Variants in RP1L1 observed in about 807,000 individuals in gnomAD.
RP1L1 encodes the protein retinitis pigmentosa 1-like 1 protein.
Under a neutral mutation model 15.7 loss-of-function variants are expected in RP1L1, and 27 were observed. The ratio of observed to expected loss-of-function variants is 1.72; its 90% confidence interval spans 1.27 to 2.38. The LOEUF is 2.38. Ranked by LOEUF, RP1L1 falls within the 30% of genes most tolerant of loss-of-function variation. The pLI is 0.00. For synonymous variants in RP1L1, 1,813 were observed against 1,276.7 expected, an observed-to-expected ratio of 1.42 and a Z score of -8.96; for missense variants, 4,798 against 3,075.9, an observed-to-expected ratio of 1.56 and a Z score of -13.24.
rs1480876786 is a variant in RP1L1 at position 10,617,600 on chromosome 8, A to G, written c.610-1013T>C. Among the ~76,000 whole-genome samples, 7 of 113,082 alleles carry G rather than the reference A, an allele frequency of 6.2e-5. No homozygotes were observed. In the Admixed American group the frequency reaches 9.6e-4, roughly 16 times the overall value. The allele number at this position is 113,082 out of a possible 152,430, so 74.2% of individuals were successfully genotyped here. A position where few individuals can be genotyped will look rare whatever the true frequency, so the allele number is the denominator to read the frequency against. Reference sequence around the variant, plus strand: ...GAGACGGAGTCTCGATCTGTCACCCAGGCTGGAGTGCAGTGGCGCGATCTG... The same window carrying G: ...GAGACGGAGTCTCGATCTGTCACCCGGGCTGGAGTGCAGTGGCGCGATCTG... On this transcript the variant is annotated intron_variant, in intron 2 of 3. Coordinates refer to ENST00000382483, the MANE Select transcript of RP1L1 (RefSeq NM_178857.6).
In RP1L1 at chr8:10,609,021, G is replaced by C. The variant is rs1472893303; in HGVS notation, c.5077C>G (p.Leu1693Val). Residue 1693 changes from leucine (L) to valine (V), a missense_variant, in exon 4 of 4, where the codon CTG (leucine) becomes GTG (valine). Leu to Val is a conservative substitution (Grantham distance 32). Transcript: ENST00000382483. ...IKEAFDLQQI[L>V]QRKRGEHTDG... is the part of the protein sequence containing the mutation. ...GTGTGTTCTCCCCTCTTCCTCTGCAGAATCTGCTGCAGGTCAAAGGCCTCT... is the reference window on the plus strand; with the variant it reads ...GTGTGTTCTCCCCTCTTCCTCTGCACAATCTGCTGCAGGTCAAAGGCCTCT... 8 of 1,613,418 alleles carry C rather than the reference G, an allele frequency of 5.0e-6. No homozygotes were observed. The highest frequency in any genetic ancestry group is 6.8e-6 in the Non-Finnish European group (8 of 1,179,514).
rs180953943 is a variant in RP1L1 at position 10,646,932 on chromosome 8, C to G, written c.-20+7966G>C. 1.6e-4 allele frequency among the ~76,000 whole-genome samples: 25 copies of G among 152,366 alleles called. 1 individual carries two copies. In the East Asian group the frequency reaches 4.4e-3, roughly 27 times the overall value. ...ACTTTTCTCAAATGCCAACCTCCCCCCCTCAGTTGTCAGCTTCCTTGGGGG... is the reference window on the plus strand; with the variant it reads ...ACTTTTCTCAAATGCCAACCTCCCCGCCTCAGTTGTCAGCTTCCTTGGGGG... On this transcript the variant is annotated intron_variant, in intron 1 of 3. Transcript: ENST00000382483.
At position 10,610,894 on chromosome 8, in the gene RP1L1, G is replaced by C; in HGVS notation, c.3204C>G (p.Cys1068Trp). 2 of 1,610,694 alleles carry C rather than the reference G, an allele frequency of 1.2e-6. No individual in the cohort carries two copies. The highest frequency in any genetic ancestry group is 8.5e-7 in the Non-Finnish European group (1 of 1,178,878). ...AGADREAPAG[C>W]RVSLRALPGR... Reference sequence around the variant, plus strand: ...CAGGAAGTGCCCGCAGGCTCACCCTGCAGCCTGCTGGGGCCTCTCTGTCTG... The same window carrying C: ...CAGGAAGTGCCCGCAGGCTCACCCTCCAGCCTGCTGGGGCCTCTCTGTCTG... Residue 1068 changes from cysteine (C) to tryptophan (W), a missense_variant, in exon 4 of 4, where the codon TGC (cysteine) becomes TGG (tryptophan). By Grantham distance (215) the Cys-to-Trp change is radical. Coordinates refer to ENST00000382483, the MANE Select transcript of RP1L1 (RefSeq NM_178857.6).
In RP1L1 at chr8:10,642,661, T is replaced by C. The variant is rs146436355; in HGVS notation, c.-20+12237A>G. 1.4e-4 allele frequency among the ~76,000 whole-genome samples: 21 copies of C among 152,354 alleles called. No homozygotes were observed. In the East Asian group the frequency reaches 2.7e-3, roughly 20 times the overall value. On this transcript the variant is annotated intron_variant, in intron 1 of 3. Coordinates refer to ENST00000382483, the MANE Select transcript of RP1L1 (RefSeq NM_178857.6). ...AAATCTAATCCTAATTAGTATACCA[T>C]ATAATTCACCACATTGCTCTCTGCT...
At chr8:10,613,908 C>A (rs554517080) in intron 3 of RP1L1, among the ~76,000 whole-genome samples, 1 of 152,240 alleles carries the variant, frequency 6.6e-6, no homozygotes, top group African/African-American at 2.4e-5. Flanking sequence ...TGAATTCAAT[C>A]TCAACTCTGC....
Position 10,611,683 on chromosome 8 carries a change from G to T in RP1L1, c.2415C>A (p.Pro805=). The T allele has an allele frequency of 1.2e-6, 2 of 1,613,488 alleles. No individual in the cohort carries two copies. Among genetic ancestry groups the T allele is most frequent in the South Asian group, 2.2e-5 (2 of 91,082 alleles). Residue 805 remains proline, a synonymous_variant, in exon 4 of 4, where the codon CCC becomes CCA. Transcript: ENST00000382483. ...CAGGCCGTCCAACCTGCAGAACCAA[G>T]GGTGAGGAGGGCTGAGGCGTGTCCC... ...EARDTPQPSS[P]LVLQVGRPEQ...
At position 10,606,967 on chromosome 8, in the gene RP1L1, T is replaced by G. The variant is rs1232894011; in HGVS notation, c.7131A>C (p.Ala2377=). Residue 2377 remains alanine (A), a synonymous_variant, in exon 4 of 4, where the codon GCA becomes GCC. Coordinates refer to ENST00000382483, the MANE Select transcript of RP1L1 (RefSeq NM_178857.6). ...SEGYDLQEDQ[A]LGSLAPTEAV... The stretch of plus-strand genomic sequence containing the variant: ...CCTCAGTGGGGGCGAGACTTCCGAG[T>G]GCCTGGTCCTCTTGTAGGTCATAAC... The G allele has an allele frequency of 2.5e-6, 4 of 1,614,132 alleles. No homozygotes were observed. In the Admixed American group the frequency reaches 6.7e-5, roughly 27 times the overall value.
rs543323910 is a variant in RP1L1, at chr8:10,647,721, T to C, written c.-20+7177A>G. Reference sequence around the variant, plus strand: ...TTCCACCTCATGTATATGCCAGTGTTTGTGTTTATCCATTCACTTATTGAT... The same window carrying C: ...TTCCACCTCATGTATATGCCAGTGTCTGTGTTTATCCATTCACTTATTGAT... On this transcript the variant is annotated intron_variant, in intron 1 of 3. Coordinates refer to ENST00000382483, the MANE Select transcript of RP1L1 (RefSeq NM_178857.6). Among the ~76,000 whole-genome samples the C allele has an allele frequency of 9.2e-5, 14 of 152,374 alleles. 1 individual carries two copies. The South Asian group carries it at 2.9e-3, about 32-fold the overall frequency.
intron 1 of RP1L1, among the ~76,000 whole-genome samples, chr8:10,629,121 A>G (rs192852633): frequency 1.3e-5 from 2 of 152,392 alleles, no homozygotes; most frequent in East Asian, 3.9e-4. Context: ...CGGTAAGCAC[A>G]GAACAGGATG....
chr8:10,642,311 A>G (rs917222437), intron 1 of RP1L1, among the ~76,000 whole-genome samples: 3 of 152,212 alleles, frequency 2.0e-5, no homozygotes, highest in East Asian at 1.9e-4. Flanking sequence ...TGCAGTTAAT[A>G]AAACTACTGT....
At chr8:10,653,770 G>A (rs1207726992) in intron 1 of RP1L1, among the ~76,000 whole-genome samples, 2 of 152,212 alleles carry the variant, frequency 1.3e-5, no homozygotes, top group Non-Finnish European at 2.9e-5. Context: ...TAATTTGTAA[G>A]AGGATTTCTG....
intron 1 of RP1L1, among the ~76,000 whole-genome samples, chr8:10,632,048 C>A (rs1004165197): frequency 1.3e-5 from 2 of 152,102 alleles, no homozygotes; most frequent in Non-Finnish European, 1.5e-5. Flanking sequence ...GGGGAGGGAG[C>A]CTTCAGGGGC....
At chr8:10,642,049 T>C (rs759339603) in intron 1 of RP1L1, among the ~76,000 whole-genome samples, 9 of 152,128 alleles carry the variant, frequency 5.9e-5, no homozygotes, top group Non-Finnish European at 8.8e-5. Context: ...GGTGGTGATA[T>C]TGTACTATAG....
intron 2 of RP1L1, among the ~76,000 whole-genome samples, chr8:10,620,069 G>A (rs182200179): frequency 6.6e-5 from 10 of 151,894 alleles, no homozygotes; most frequent in Non-Finnish European, 5.9e-5. Context: ...ACATAGTGCT[G>A]TTTCTCTGGC....
rs1396817175 is a variant in RP1L1 at position 10,607,740 on chromosome 8, C to T, written c.6358G>A (p.Glu2120Lys). 6.2e-6 allele frequency: 10 copies of T among 1,606,948 alleles called. No individual in the cohort carries two copies. In the Admixed American group the frequency reaches 1.5e-4, roughly 24 times the overall value. Residue 2120 changes from glutamate (E) to lysine (K), a missense_variant, in exon 4 of 4, where the codon GAG becomes AAG. Transcript: ENST00000382483. The stretch of plus-strand genomic sequence containing the variant: ...TCTGGCTGGGCCTCCCCTTCAGTCT[C>T]TGGGGCCTCTATACCTTCTGCCTTC... ...AQKAEGIEAP[E>K]TEGEAQPESE...
chr8:10,625,795 C>A (rs984917386), intron 1 of RP1L1, among the ~76,000 whole-genome samples: 2 of 152,108 alleles, frequency 1.3e-5, no homozygotes, highest in African/African-American at 4.8e-5. Context: ...TCAGTGAGCA[C>A]AGAGACCGAG....
At chr8:10,626,616 AT>A (rs1798161725) in intron 1 of RP1L1, among the ~76,000 whole-genome samples, 1 of 152,168 alleles carries the variant, frequency 6.6e-6, no homozygotes, top group Non-Finnish European at 1.5e-5. Context: ...TTTACAAACC[AT>A]TTAAGAAAGG....
intron 1 of RP1L1, among the ~76,000 whole-genome samples, chr8:10,636,414 G>A (rs1285657363): frequency 6.6e-6 from 1 of 152,200 alleles, no homozygotes; most frequent in Non-Finnish European, 1.5e-5. Flanking sequence ...ACCTCTCTGA[G>A]CCAGTCACCA....
At position 10,611,776 on chromosome 8, in the gene RP1L1, G is replaced by A. The variant is rs555734400; in HGVS notation, c.2322C>T (p.Ala774=). The change falls in exon 4 of 4, where the codon GCC becomes GCT. Residue 774 remains alanine (A), a synonymous_variant. Coordinates refer to ENST00000382483, the MANE Select transcript of RP1L1 (RefSeq NM_178857.6). ...GDAGSRTCSP[A]PIPPHTSDSC... is the part of the protein sequence containing the mutation. ...AGTCGGATGTGTGGGGAGGTATGGG[G>A]GCCGGCGAGCATGTCCTGGACCCCG... The A allele has an allele frequency of 2.0e-5, 32 of 1,613,674 alleles. No homozygotes were observed. In the South Asian group the frequency reaches 3.4e-4, roughly 17 times the overall value.
Sources: allele counts gnomAD v4.1 joint callset (sites outside exome capture counted in the v4.1 genomes callset), GRCh38; gene constraint gnomAD v4.1.1; transcripts MANE v1.5; gene names NCBI Gene and HGNC (gene_info 2026-07-23, HGNC 2026-07-21).